Variants in ADAMTSL3 observed in about 807,000 individuals in gnomAD.
ADAMTSL3 encodes the protein ADAMTS like 3.
Under a neutral mutation model 201.7 loss-of-function variants are expected in ADAMTSL3, and 128 were observed. The observed-to-expected ratio is 0.63, with a 90% CI of 0.55 to 0.73. The LOEUF is 0.73. Among genes scored for constraint, ADAMTSL3 ranks in the 30% least tolerant of loss-of-function variants. The probability of loss-of-function intolerance (pLI) is 0.00; values close to 1 mark genes in which losing one functional copy is unlikely to be tolerated. For missense variants in ADAMTSL3, 1,990 were observed against 2,119.6 expected (o/e 0.94, Z 1.20); for synonymous variants, 738 against 748.4 (o/e 0.99, Z 0.23).
intron 4 of ADAMTSL3, among the ~76,000 whole-genome samples, chr15:83,786,316 T>G (rs1596205974): frequency 6.6e-6 from 1 of 152,214 alleles, no homozygotes; most frequent in South Asian, 2.1e-4. Flanking sequence ...AGTGGAGTTC[T>G]TTGTTTATTT....
intron 19 of ADAMTSL3, among the ~76,000 whole-genome samples, chr15:83,959,667 T>C (rs1159117102): frequency 6.6e-6 from 1 of 152,210 alleles, no homozygotes; most frequent in Non-Finnish European, 1.5e-5. Context: ...AAGAACTCAA[T>C]CTATATTGTT....
At chr15:83,995,642 A>C (rs2141846133) in intron 23 of ADAMTSL3, among the ~76,000 whole-genome samples, 1 of 152,236 alleles carries the variant, frequency 6.6e-6, no homozygotes, top group East Asian at 1.9e-4. Context: ...AAATAACTAC[A>C]AAAATTTCTT....
chr15:83,957,319 G>A (rs1194614297), intron 19 of ADAMTSL3, among the ~76,000 whole-genome samples: 1 of 152,096 alleles, frequency 6.6e-6, no homozygotes, highest in Non-Finnish European at 1.5e-5. Flanking sequence ...AAGGCTTTAG[G>A]GTATTGGATT....
rs544517071 is a variant in ADAMTSL3 at position 83,665,435 on chromosome 15, C to T, written c.69+9605C>T. 2.2e-4 allele frequency among the ~76,000 whole-genome samples: 34 copies of T among 152,184 alleles called. No homozygotes were observed. The South Asian group carries it at 7.1e-3, about 32-fold the overall frequency. Reference sequence around the variant, plus strand: ...GAAACAGGATCATTAGAGAGGTTTTCCTTAGCAGAGTGTATTCCGTATATT... The same window carrying T: ...GAAACAGGATCATTAGAGAGGTTTTTCTTAGCAGAGTGTATTCCGTATATT... On this transcript the variant is annotated intron_variant, in intron 2 of 29. Coordinates refer to ENST00000286744, the MANE Select transcript of ADAMTSL3 (RefSeq NM_207517.3).
chr15:83,668,958 C>A (rs2061286780), intron 2 of ADAMTSL3, among the ~76,000 whole-genome samples: 1 of 152,168 alleles, frequency 6.6e-6, no homozygotes, highest in Non-Finnish European at 1.5e-5. Flanking sequence ...TATGTCATTT[C>A]TGCTAACATC....
chr15:83,838,268 T>TATATTTTA lies in ADAMTSL3; in HGVS notation c.727+53_727+54insATATTTTA, dbSNP rs1310184508. 2.6e-6 allele frequency: 4 copies of TATATTTTA among 1,552,804 alleles called. No homozygotes were observed. The African/African-American group carries it at 5.6e-5, about 22-fold the overall frequency. Reference sequence around the variant, plus strand: ...CCATCATACAAGATATATTTTAGACTGTCTATTGCTAGAATAACATTTTCT... The same window carrying TATATTTTA: ...CCATCATACAAGATATATTTTAGACTATATTTTAGTCTATTGCTAGAATAACATTTTCT... On this transcript the variant is annotated intron_variant, in intron 7 of 29. Transcript: ENST00000286744.
chr15:84,018,455 A>T (rs1464731837), intron 25 of ADAMTSL3, among the ~76,000 whole-genome samples: 1 of 152,212 alleles, frequency 6.6e-6, no homozygotes, highest in African/African-American at 2.4e-5. Context: ...TATTTAAGAT[A>T]TTTCTCAGTG....
chr15:83,712,971 A>C (rs1380799762), intron 3 of ADAMTSL3, among the ~76,000 whole-genome samples: 3 of 152,174 alleles, frequency 2.0e-5, no homozygotes, highest in African/African-American at 7.2e-5. Context: ...TACTACATGC[A>C]TTCCTTTTAA....
chr15:83,775,452 C>T (rs548088840), intron 4 of ADAMTSL3, among the ~76,000 whole-genome samples: 17 of 151,776 alleles, frequency 1.1e-4, no homozygotes, highest in African/African-American at 2.2e-4. Flanking sequence ...CTAAAATGTT[C>T]GCATATTTAT....
intron 5 of ADAMTSL3, among the ~76,000 whole-genome samples, chr15:83,818,606 C>T (rs143542802): frequency 1.2e-4 from 18 of 152,322 alleles, no homozygotes; most frequent in African/African-American, 3.1e-4. Flanking sequence ...GGATTACAGA[C>T]GTGAGCCACC....
At position 83,982,335 on chromosome 15, in the gene ADAMTSL3, A is replaced by C; in HGVS notation, c.2707A>C (p.Arg903=). Residue 903 remains arginine, a synonymous_variant, in exon 21 of 30, where the codon AGA becomes CGA. Coordinates refer to ENST00000286744, the MANE Select transcript of ADAMTSL3 (RefSeq NM_207517.3). ...EQGPQILSVQ[R]VYIQTREEKR... Reference sequence around the variant, plus strand: ...GGGTCCGCAGATCCTCAGTGTCCAGAGAGTCTACATTCAGACAAGGGAAGA... The same window carrying C: ...GGGTCCGCAGATCCTCAGTGTCCAGCGAGTCTACATTCAGACAAGGGAAGA... 1 of 1,614,010 alleles carries C rather than the reference A, an allele frequency of 6.2e-7. No individual in the cohort carries two copies.
rs1596218112 is a variant in ADAMTSL3, at chr15:83,792,598, A to G, written c.318-12052A>G. On this transcript the variant is annotated intron_variant, in intron 4 of 29. Coordinates refer to ENST00000286744, the MANE Select transcript of ADAMTSL3 (RefSeq NM_207517.3). ...CAGGAGTTAGAGACCAGCCTGGCCA[A>G]CATGGCAAAACCCTGTCTCTACTAA... is the stretch of plus-strand genomic sequence containing the variant. Among the ~76,000 whole-genome samples the G allele has an allele frequency of 1.3e-5, 2 of 152,300 alleles. 1 individual carries two copies. The highest frequency in any genetic ancestry group is 4.1e-4 in the South Asian group (2 of 4,822).
chr15:83,827,822 G>T (rs1394542244), intron 6 of ADAMTSL3, among the ~76,000 whole-genome samples: 1 of 152,104 alleles, frequency 6.6e-6, no homozygotes, highest in Non-Finnish European at 1.5e-5. Context: ...AAGATCAGAT[G>T]GTTGTAGATG....
At chr15:84,021,892 C>T (rs2068212259) in intron 26 of ADAMTSL3, among the ~76,000 whole-genome samples, 1 of 152,130 alleles carries the variant, frequency 6.6e-6, no homozygotes, top group African/African-American at 2.4e-5. Flanking sequence ...CTGCTTCCTG[C>T]ACACACAATC....
intron 24 of ADAMTSL3, among the ~76,000 whole-genome samples, chr15:84,015,392 C>A (rs755258290): frequency 6.6e-6 from 1 of 152,130 alleles, no homozygotes; most frequent in Non-Finnish European, 1.5e-5. Context: ...GTTAGAGGAG[C>A]CCAGAGATAT....
intron 3 of ADAMTSL3, among the ~76,000 whole-genome samples, chr15:83,767,160 T>C (rs1161653221): frequency 1.3e-5 from 2 of 152,186 alleles, no homozygotes; most frequent in African/African-American, 4.8e-5. Context: ...CCACAGTTGT[T>C]CACCTGCAAA....
chr15:83,935,085 C>A lies in ADAMTSL3; in HGVS notation c.2118-7511C>A, dbSNP rs530764003. Among the ~76,000 whole-genome samples, 3 of 152,274 alleles carry A rather than the reference C, an allele frequency of 2.0e-5. No individual in the cohort carries two copies. In the South Asian group the frequency reaches 6.2e-4, roughly 32 times the overall value. ...AGAATGAGAAATTACCTAATAGGTA[C>A]AATGTACATTATTCTGGTGTTGGTT... On this transcript the variant is annotated intron_variant, in intron 17 of 29. Transcript: ENST00000286744.
chr15:83,832,139 G>A (rs960034965), intron 6 of ADAMTSL3, among the ~76,000 whole-genome samples: 6 of 152,132 alleles, frequency 3.9e-5, no homozygotes, highest in African/African-American at 1.4e-4. Flanking sequence ...TTGTTTGATG[G>A]CCTCAATTGA....
At position 83,885,187 on chromosome 15, in the gene ADAMTSL3, T is replaced by G; in HGVS notation, c.1047T>G (p.Phe349Leu). 1 of 1,613,938 alleles carries G rather than the reference T, an allele frequency of 6.2e-7. No individual in the cohort carries two copies. The highest frequency in any genetic ancestry group is 1.3e-5 in the African/African-American group (1 of 75,052). ...ATCAGTGGAGACAAACTGACTTCTT[T>G]CCCTGCACTGTGACGTGTGGAGGAG... ...ISHQWRQTDF[F>L]PCTVTCGGGY... is the part of the protein sequence containing the mutation. Residue 349 changes from phenylalanine to leucine, a missense_variant, in exon 10 of 30, where the codon TTT (phenylalanine) becomes TTG (leucine). Physicochemically the swap from Phe to Leu is conservative, Grantham distance 22. Coordinates refer to ENST00000286744, the MANE Select transcript of ADAMTSL3 (RefSeq NM_207517.3).
Sources: gnomAD v4.1 joint callset for allele counts (sites outside exome capture counted in the v4.1 genomes callset) on GRCh38, gnomAD v4.1.1 for gene constraint, MANE v1.5 for transcripts, NCBI Gene and HGNC (gene_info 2026-07-23, HGNC 2026-07-21) for gene names.